PARP16: variants seen among roughly 807,000 people sequenced by gnomAD.
PARP16 encodes poly(ADP-ribose) polymerase family member 16.
In PARP16, 31 loss-of-function variants were observed where a neutral mutation model predicts 35.0. The observed-to-expected ratio is 0.88, with a 90% CI of 0.66 to 1.19. The LOEUF is 1.19. Among genes scored for constraint, PARP16 ranks in the 50% most tolerant of loss-of-function variants. PARP16 has a pLI of 0.00. For synonymous variants in PARP16, 162 were observed against 169.5 expected (o/e 0.96, Z 0.34); for missense variants, 424 against 411.2 (o/e 1.03, Z -0.27).
intron 2 of PARP16, among the ~76,000 whole-genome samples, chr15:65,270,696 C>G (rs1031097933): frequency 1.3e-5 from 2 of 152,160 alleles, no homozygotes; most frequent in African/African-American, 4.8e-5. Context: ...GCACCTGGTA[C>G]CTACTCAAGG....
chr15:65,286,485 C>G lies in PARP16; in HGVS notation c.-59G>C. The stretch of plus-strand genomic sequence containing the variant: ...CTGGTTAGGGGCAAGGGCGAGCGTG[C>G]GTTCAGCGCGGGGGCTGGGCCCGCG... On this transcript the variant is annotated 5_prime_UTR_variant, in exon 1 of 6. Coordinates refer to ENST00000649807, the MANE Select transcript of PARP16 (RefSeq NM_001316943.2). 7.7e-7 allele frequency: 1 copy of G among 1,297,810 alleles called. No individual in the cohort carries two copies. The highest frequency in any genetic ancestry group is 1.7e-5 in the South Asian group (1 of 59,488). The allele number at this position is 1,297,810 out of a possible 1,614,324, so 80.4% of individuals were successfully genotyped here.
chr15:65,286,538 C>G lies in PARP16; in HGVS notation c.-112G>C. On this transcript the variant is annotated 5_prime_UTR_variant, in exon 1 of 6. Coordinates refer to ENST00000649807, the MANE Select transcript of PARP16 (RefSeq NM_001316943.2). ...CAATGGGCCGTCAGGGGCCGGGTTCCCAAGCCTGGGGTGGAGCTAGGCAGG... is the reference window on the plus strand; with the variant it reads ...CAATGGGCCGTCAGGGGCCGGGTTCGCAAGCCTGGGGTGGAGCTAGGCAGG... 1 of 799,224 alleles carries G rather than the reference C, an allele frequency of 1.3e-6. No homozygotes were observed. 49.5% of individuals were successfully genotyped at this position (799,224 alleles called of 1,614,324 possible).
At chr15:65,273,415 A>G (rs1047191965) in intron 1 of PARP16, among the ~76,000 whole-genome samples, 3 of 152,010 alleles carry the variant, frequency 2.0e-5, no homozygotes, top group Non-Finnish European at 2.9e-5. Flanking sequence ...CATGCCTATA[A>G]TCCTAGCTAC....
intron 2 of PARP16, among the ~76,000 whole-genome samples, chr15:65,268,019 T>G (rs917980184): frequency 6.6e-6 from 1 of 152,088 alleles, no homozygotes; most frequent in Non-Finnish European, 1.5e-5. Flanking sequence ...ATCTATCTCC[T>G]GCATTCCATT....
At chr15:65,277,261 C>A (rs2090287521) in intron 1 of PARP16, among the ~76,000 whole-genome samples, 1 of 152,144 alleles carries the variant, frequency 6.6e-6, no homozygotes, top group Non-Finnish European at 1.5e-5. Flanking sequence ...CACGTGAAGC[C>A]TTCCCTGACC....
At chr15:65,278,477 A>C (rs2090323428) in intron 1 of PARP16, among the ~76,000 whole-genome samples, 1 of 152,216 alleles carries the variant, frequency 6.6e-6, no homozygotes, top group Non-Finnish European at 1.5e-5. Context: ...TGGTGAGCAG[A>C]GCTGAGAGCC....
intron 1 of PARP16, among the ~76,000 whole-genome samples, chr15:65,280,184 C>T (rs1380572970): frequency 6.6e-6 from 1 of 152,008 alleles, no homozygotes; most frequent in Non-Finnish European, 1.5e-5. Flanking sequence ...CGCCTGTAAT[C>T]CCAGCATTTT....
In PARP16 at chr15:65,286,595, A is replaced by G. The variant is rs1417374680; in HGVS notation, c.-169T>C. ...AGATGACAGGGGTGAGAACGTGCCG[A>G]CAAGTGTCCTCTGCCGGGGTCTGGG... On this transcript the variant is annotated 5_prime_UTR_variant, in exon 1 of 6. Transcript: ENST00000649807. The G allele has an allele frequency of 1.0e-5, 5 of 492,598 alleles. No homozygotes were observed. In the South Asian group the frequency reaches 1.6e-4, roughly 15 times the overall value. 30.5% of individuals were successfully genotyped at this position (492,598 alleles called of 1,614,324 possible).
chr15:65,231,275 T>A (rs2088775992), downstream of PARP16, among the ~76,000 whole-genome samples: 2 of 152,152 alleles, frequency 1.3e-5, no homozygotes, highest in Non-Finnish European at 2.9e-5. Flanking sequence ...AGGCATTGAG[T>A]CCATTTACAT....
intron 1 of PARP16, among the ~76,000 whole-genome samples, chr15:65,278,075 G>T (rs781588962): frequency 3.9e-5 from 6 of 152,194 alleles, no homozygotes; most frequent in Non-Finnish European, 8.8e-5. Flanking sequence ...ACGGCAGATG[G>T]GCAGAGAAGT....
chr15:65,260,815 G>T, intron 5 of PARP16, 70 bp downstream of exon 5: 1 of 1,443,412 alleles, frequency 6.9e-7, no homozygotes, highest in Non-Finnish European at 9.7e-7. Flanking sequence ...GGGAGGGGAG[G>T]CTGATACCTA....
chr15:65,256,279 T>C (rs1470891584), downstream of PARP16, among the ~76,000 whole-genome samples: 1 of 152,148 alleles, frequency 6.6e-6, no homozygotes, highest in African/African-American at 2.4e-5. Flanking sequence ...TACATAAGCA[T>C]CAATCCTCTT....
At chr15:65,267,039 C>T (rs570350063) in intron 2 of PARP16, among the ~76,000 whole-genome samples, 7 of 150,802 alleles carry the variant, frequency 4.6e-5, no homozygotes, top group African/African-American at 1.5e-4. Context: ...GTCAGGAGTT[C>T]GAGACCAGCC....
Position 65,271,770 on chromosome 15 carries a change from C to T in PARP16, c.175-698G>A, listed in dbSNP as rs554717153. 1.5e-4 allele frequency among the ~76,000 whole-genome samples: 23 copies of T among 152,282 alleles called. No individual in the cohort carries two copies. In the East Asian group the frequency reaches 4.2e-3, roughly 28 times the overall value. On this transcript the variant is annotated intron_variant, in intron 1 of 5. Coordinates refer to ENST00000649807, the MANE Select transcript of PARP16 (RefSeq NM_001316943.2). The stretch of plus-strand genomic sequence containing the variant: ...GATACATGCACATGTGGGTAAAGCG[C>T]TACATTACAAAGCCTTTTCCTTTCT...
chr15:65,261,385 T>A (rs757854030), intron 4 of PARP16, among the ~76,000 whole-genome samples: 2 of 147,818 alleles, frequency 1.4e-5, no homozygotes, highest in African/African-American at 2.4e-5. Context: ...GCATTTTATA[T>A]ATAAATTTTA....
chr15:65,269,176 T>TTTTTTC (rs1555423771), intron 2 of PARP16, among the ~76,000 whole-genome samples: 6 of 146,052 alleles, frequency 4.1e-5, no homozygotes, highest in South Asian at 4.4e-4. Flanking sequence ...TAGTCGGTTT[T>TTTTTTC]TTTCTTTCTT....
chr15:65,246,073 G>T (rs2089201837), intron 3 of PARP16, among the ~76,000 whole-genome samples: 1 of 151,968 alleles, frequency 6.6e-6, no homozygotes, highest in Admixed American at 6.6e-5. Context: ...TGGCCATTGG[G>T]GTGGCCAGCA....
In PARP16 at chr15:65,259,428, A is replaced by G; in HGVS notation, c.948T>C (p.Phe316=). 7 of 1,614,176 alleles carry G rather than the reference A, an allele frequency of 4.3e-6. No homozygotes were observed. Among genetic ancestry groups the G allele is most frequent in the Non-Finnish European group, 5.9e-6 (7 of 1,180,018 alleles). Residue 316 remains phenylalanine, a synonymous_variant, in exon 6 of 6, where the codon TTT becomes TTC. Transcript: ENST00000649807. Reference sequence around the variant, plus strand: ...AAGATTATCTTTTCGCACGATTCCAAAAGTGTTGGAAAGCAGAGGAGTTGA... The same window carrying G: ...AAGATTATCTTTTCGCACGATTCCAGAAGTGTTGGAAAGCAGAGGAGTTGA... The part of the protein sequence containing the change: ...SVINSSAFQH[F]WNRAKR
chr15:65,251,144 A>T (rs1213552258), intron 2 of PARP16, among the ~76,000 whole-genome samples: 1 of 151,976 alleles, frequency 6.6e-6, no homozygotes, highest in African/African-American at 2.4e-5. Context: ...TCAGCCTCCC[A>T]AAGTGCTGGG....
Sources: gnomAD v4.1 joint callset for allele counts (sites outside exome capture counted in the v4.1 genomes callset) on GRCh38, gnomAD v4.1.1 for gene constraint, MANE v1.5 for transcripts, NCBI Gene and HGNC (gene_info 2026-07-23, HGNC 2026-07-21) for gene names.